The following MCUB variants were observed in gnomAD, a reference collection of about 807,000 sequenced individuals.
MCUB encodes mitochondrial calcium uniporter dominant negative subunit beta.
Under a neutral mutation model 41.4 loss-of-function variants are expected in MCUB, and 46 were observed. The observed-to-expected ratio is 1.11, with a 90% CI of 0.88 to 1.42. The LOEUF is 1.42. Among genes scored for constraint, MCUB ranks in the 40% most tolerant of loss-of-function variants. The pLI is 0.00. For synonymous variants in MCUB, 148 were observed against 148.2 expected (o/e 1.00, Z 0.01); for missense variants, 403 against 404.9 (o/e 1.00, Z 0.04).
At chr4:109,616,522 G>A (rs1223108766) in intron 1 of MCUB, among the ~76,000 whole-genome samples, 2 of 152,100 alleles carry the variant, frequency 1.3e-5, no homozygotes, top group East Asian at 1.9e-4. Flanking sequence ...CCCCTTTCAT[G>A]CAGCCCAGCT....
intron 1 of MCUB, among the ~76,000 whole-genome samples, chr4:109,560,693 G>A (rs1442917401): frequency 2.6e-5 from 4 of 152,160 alleles, no homozygotes; most frequent in Admixed American, 2.6e-4. Flanking sequence ...GCCTCACCCG[G>A]GCCGAGATAG....
At chr4:109,577,573 A>G (rs1271875353) in intron 1 of MCUB, among the ~76,000 whole-genome samples, 1 of 149,286 alleles carries the variant, frequency 6.7e-6, no homozygotes, top group Non-Finnish European at 1.5e-5. Context: ...TGATCGTTTC[A>G]TAGCCTAAAA....
At chr4:109,635,046 T>G (rs1579075736) in intron 1 of MCUB, among the ~76,000 whole-genome samples, 1 of 151,808 alleles carries the variant, frequency 6.6e-6, no homozygotes, top group Non-Finnish European at 1.5e-5. Flanking sequence ...AGTTAGAACA[T>G]GTGGTGTTTG....
Position 109,656,043 on chromosome 4 carries a change from C to A in MCUB, c.100-2968C>A, listed in dbSNP as rs74688272. Among the ~76,000 whole-genome samples the A allele has an allele frequency of 4.6e-4, 70 of 152,198 alleles. 1 individual carries two copies. The East Asian group carries it at 9.7e-3, about 21-fold the overall frequency. On this transcript the variant is annotated intron_variant, in intron 1 of 7. Coordinates refer to ENST00000394650, the MANE Select transcript of MCUB (RefSeq NM_017918.5). ...CTGGTTGTCATGTGGGTGCCTCTAT[C>A]TTGTGGGTGCTACAGTTACTTCTTC...
At chr4:109,637,367 A>T (rs1025023321) in intron 1 of MCUB, among the ~76,000 whole-genome samples, 1 of 152,206 alleles carries the variant, frequency 6.6e-6, no homozygotes, top group East Asian at 1.9e-4. Context: ...AATTAGCTGA[A>T]TTAATTGAGG....
rs1728418331 is a variant in MCUB at position 109,628,924 on chromosome 4, A to G, written c.100-30087A>G. 3.3e-5 allele frequency among the ~76,000 whole-genome samples: 5 copies of G among 152,190 alleles called. No individual in the cohort carries two copies. The South Asian group carries it at 1.0e-3, about 32-fold the overall frequency. On this transcript the variant is annotated intron_variant, in intron 1 of 7. Coordinates refer to ENST00000394650, the MANE Select transcript of MCUB (RefSeq NM_017918.5). ...AATTATAGACTGGAGTCTAGGAGGA[A>G]GGGCATTCAAGGCAAAGGAAGCCAC...
At chr4:109,679,515 A>T (rs1729666809) in intron 4 of MCUB, among the ~76,000 whole-genome samples, 1 of 152,136 alleles carries the variant, frequency 6.6e-6, no homozygotes, top group South Asian at 2.1e-4. Context: ...GAGTGGCAGC[A>T]CGTGCCTGGA....
chr4:109,678,724 G>A (rs1281525697), intron 4 of MCUB, among the ~76,000 whole-genome samples: 1 of 146,762 alleles, frequency 6.8e-6, no homozygotes, highest in Non-Finnish European at 1.5e-5. Context: ...GCCAAGCAGA[G>A]GCGCTCCCCA....
At chr4:109,591,984 G>C (rs909416817) in intron 1 of MCUB, among the ~76,000 whole-genome samples, 1 of 152,118 alleles carries the variant, frequency 6.6e-6, no homozygotes. Flanking sequence ...ACAGGCGTGA[G>C]CCACGACGCC....
intron 4 of MCUB, among the ~76,000 whole-genome samples, chr4:109,670,206 A>AG (rs1729424519): frequency 6.6e-6 from 1 of 152,214 alleles, no homozygotes. Context: ...TAAGGGGACT[A>AG]GGTCTCAGTC....
At chr4:109,629,724 G>C (rs1028911654) in intron 1 of MCUB, among the ~76,000 whole-genome samples, 5 of 152,312 alleles carry the variant, frequency 3.3e-5, no homozygotes, top group African/African-American at 1.2e-4. Flanking sequence ...AAAACATGTG[G>C]GAAGGGTGTG....
chr4:109,664,541 C>T (rs1280730966), intron 4 of MCUB, 147 bp downstream of exon 4: 2 of 557,398 alleles, frequency 3.6e-6, no homozygotes, highest in Non-Finnish European at 6.4e-6. Flanking sequence ...CCTCCCACCT[C>T]AGCCTCCAGA....
chr4:109,644,557 A>G (rs1427409803), intron 1 of MCUB, among the ~76,000 whole-genome samples: 3 of 152,230 alleles, frequency 2.0e-5, no homozygotes, highest in African/African-American at 7.2e-5. Flanking sequence ...TCCATTTTAT[A>G]TACTATTTCC....
rs1729910317 is a variant in MCUB, at chr4:109,688,538, G to T, written c.*946G>T. On this transcript the variant is annotated 3_prime_UTR_variant, in exon 8 of 8. Coordinates refer to ENST00000394650, the MANE Select transcript of MCUB (RefSeq NM_017918.5). Reference sequence around the variant, plus strand: ...AAAATGTGGTAATTCATATGTAGATGAAATATTAAACATTTAAATGACCGA... The same window carrying T: ...AAAATGTGGTAATTCATATGTAGATTAAATATTAAACATTTAAATGACCGA... 1 of 152,118 alleles carries T rather than the reference G, an allele frequency of 6.6e-6. No homozygotes were observed. Among genetic ancestry groups the T allele is most frequent in the Non-Finnish European group, 1.5e-5 (1 of 68,026 alleles). 9.4% of individuals were successfully genotyped at this position (152,118 alleles called of 1,614,324 possible). A position where few individuals can be genotyped will look rare whatever the true frequency, so the allele number is the denominator to read the frequency against.
intron 1 of MCUB, among the ~76,000 whole-genome samples, chr4:109,656,438 A>G (rs943750108): frequency 7.6e-6 from 1 of 131,890 alleles, no homozygotes; most frequent in Non-Finnish European, 1.5e-5. Context: ...TGCAGTAGCT[A>G]CAATCTCGGT....
chr4:109,676,164 G>C (rs1729573236), intron 4 of MCUB, among the ~76,000 whole-genome samples: 1 of 152,054 alleles, frequency 6.6e-6, no homozygotes, highest in South Asian at 2.1e-4. Flanking sequence ...TTCTGGTCAG[G>C]GCTCGGAAGA....
At chr4:109,639,690 A>G (rs755638588) in intron 1 of MCUB, among the ~76,000 whole-genome samples, 4 of 152,188 alleles carry the variant, frequency 2.6e-5, no homozygotes, top group Non-Finnish European at 4.4e-5. Context: ...TCCATCTCAA[A>G]AAAAGAAAAA....
intron 1 of MCUB, among the ~76,000 whole-genome samples, chr4:109,571,737 A>G (rs1476200809): frequency 6.6e-6 from 1 of 152,278 alleles, no homozygotes; most frequent in Non-Finnish European, 1.5e-5. Flanking sequence ...TGTCATCTCT[A>G]CATGTGACTT....
At chr4:109,665,323 AATG>A (rs773573136) in intron 4 of MCUB, among the ~76,000 whole-genome samples, 1 of 152,178 alleles carries the variant, frequency 6.6e-6, no homozygotes, top group Non-Finnish European at 1.5e-5. Flanking sequence ...TTAGATGTTT[AATG>A]ATGTTTTTAT....
Sources: allele counts gnomAD v4.1 joint callset (sites outside exome capture counted in the v4.1 genomes callset), GRCh38; gene constraint gnomAD v4.1.1; transcripts MANE v1.5; gene names NCBI Gene and HGNC (gene_info 2026-07-23, HGNC 2026-07-21).